GTF2B: variants seen among roughly 807,000 people sequenced by gnomAD.
GTF2B encodes general transcription factor IIB, also known as transcription initiation factor IIB.
Under a neutral mutation model 34.6 loss-of-function variants are expected in GTF2B, and 20 were observed. The ratio of observed to expected loss-of-function variants is 0.58; its 90% CI spans 0.41 to 0.84. GTF2B has a LOEUF of 0.84. Ranked by LOEUF, GTF2B falls within the 40% of genes least tolerant of loss-of-function variation. The pLI, the probability that GTF2B is intolerant of heterozygous loss-of-function variation, is 0.00. For synonymous variants in GTF2B, 142 were observed against 132.4 expected (o/e 1.07, Z -0.50); for missense variants, 237 against 393.3 (o/e 0.60, Z 3.36).
At chr1:88,872,482 A>AG (rs1673719318) in intron 2 of GTF2B, among the ~76,000 whole-genome samples, 1 of 144,186 alleles carries the variant, frequency 6.9e-6, no homozygotes, top group Non-Finnish European at 1.5e-5. Context: ...AAAAAAAAAA[A>AG]GAAAGTAACC....
At chr1:88,857,161 T>C in intron 6 of GTF2B, 45 bp downstream of exon 6, 1 of 1,535,800 alleles carries the variant, frequency 6.5e-7, no homozygotes, top group East Asian at 2.3e-5. Context: ...AATCACATGC[T>C]GCAAATTTCA....
chr1:88,864,547 C>T (rs1021352746), intron 2 of GTF2B, among the ~76,000 whole-genome samples: 7 of 152,170 alleles, frequency 4.6e-5, no homozygotes, highest in South Asian at 2.1e-4. Flanking sequence ...GGAAATGCTT[C>T]GCAGAAAATA....
At chr1:88,865,919 G>A (rs1004256953) in intron 2 of GTF2B, among the ~76,000 whole-genome samples, 2 of 151,950 alleles carry the variant, frequency 1.3e-5, no homozygotes, top group African/African-American at 4.8e-5. Context: ...CAAGTGCTCC[G>A]CTAAGTATTT....
chr1:88,860,890 C>T (rs946075290), intron 3 of GTF2B, among the ~76,000 whole-genome samples: 27 of 152,106 alleles, frequency 1.8e-4, no homozygotes, highest in African/African-American at 6.5e-4. Flanking sequence ...GACAAAGGTA[C>T]CTCCTACTGC....
Position 88,873,104 on chromosome 1 carries a change from CTT to C in GTF2B, c.125-8992_125-8991del, listed in dbSNP as rs66614827. ...CATCACTAACACCAGTACTCTCAGT[CTT>C]TATGGGCATTAGCACAGTCCCCAGC... On this transcript the variant is annotated intron_variant, in intron 2 of 6. Transcript: ENST00000370500. 7.1e-3 allele frequency among the ~76,000 whole-genome samples: 1,069 copies of C among 151,114 alleles called. 13 individuals are homozygous for C. The highest frequency in any genetic ancestry group is 0.025 in the African/African-American group (1,020 of 41,222).
intron 1 of GTF2B, among the ~76,000 whole-genome samples, chr1:88,890,003 T>C (rs1674161489): frequency 6.6e-6 from 1 of 152,156 alleles, no homozygotes; most frequent in South Asian, 2.1e-4. Context: ...TCGTGCCACC[T>C]ACACTTCAGC....
At chr1:88,882,285 G>C (rs187911303) in intron 2 of GTF2B, among the ~76,000 whole-genome samples, 24 of 141,872 alleles carry the variant, frequency 1.7e-4, no homozygotes, top group African/African-American at 5.5e-4. Flanking sequence ...ACTCCAGCCT[G>C]GGGGACAGAG....
At chr1:88,860,959 C>T (rs760890818) in intron 3 of GTF2B, among the ~76,000 whole-genome samples, 2 of 152,132 alleles carry the variant, frequency 1.3e-5, no homozygotes, top group Middle Eastern at 3.4e-3. Flanking sequence ...AGAGAAAAAC[C>T]GGAAGTACAA....
At chr1:88,890,573 A>G (rs1267460078) in intron 1 of GTF2B, among the ~76,000 whole-genome samples, 1 of 152,208 alleles carries the variant, frequency 6.6e-6, no homozygotes, top group East Asian at 1.9e-4. Context: ...CCAGGTGTGG[A>G]TAACAGGAAA....
intron 2 of GTF2B, among the ~76,000 whole-genome samples, chr1:88,871,662 A>G (rs1028045825): frequency 2.6e-5 from 4 of 152,222 alleles, no homozygotes; most frequent in Admixed American, 2.0e-4. Flanking sequence ...AGTGACAATT[A>G]ACAAAGATAA....
intron 2 of GTF2B, among the ~76,000 whole-genome samples, chr1:88,867,903 C>A (rs967360657): frequency 3.3e-5 from 5 of 152,118 alleles, no homozygotes; most frequent in African/African-American, 9.7e-5. Flanking sequence ...CTAAATGACT[C>A]GTTCAAGAAT....
chr1:88,890,196 T>C (rs568512466), intron 1 of GTF2B, among the ~76,000 whole-genome samples: 37 of 150,286 alleles, frequency 2.5e-4, no homozygotes, highest in African/African-American at 8.1e-4. Context: ...TAAGTCGTAT[T>C]TGAGTGATCT....
At chr1:88,858,251 G>T (rs1292447460) in intron 5 of GTF2B, among the ~76,000 whole-genome samples, 2 of 152,032 alleles carry the variant, frequency 1.3e-5, no homozygotes, top group East Asian at 3.9e-4. Flanking sequence ...TACCTGCCTC[G>T]GCCTCACAAA....
chr1:88,881,090 G>A (rs1416322015), intron 2 of GTF2B, among the ~76,000 whole-genome samples: 2 of 144,560 alleles, frequency 1.4e-5, no homozygotes, highest in East Asian at 2.1e-4. Context: ...TGAACAGGAT[G>A]TTAAAAACAC....
intron 2 of GTF2B, among the ~76,000 whole-genome samples, chr1:88,879,025 G>GT: frequency 6.6e-6 from 1 of 152,260 alleles, no homozygotes; most frequent in South Asian, 2.1e-4. Flanking sequence ...TAAAATGGTT[G>GT]TTGTAAGCCA....
intron 3 of GTF2B, among the ~76,000 whole-genome samples, chr1:88,860,774 C>T (rs560803255): frequency 1.8e-3 from 268 of 152,204 alleles, no homozygotes; most frequent in Non-Finnish European, 3.1e-3. Context: ...ACTCATAGGA[C>T]GCTACAAATG....
At chr1:88,879,113 AAAAT>A (rs1201325857) in intron 2 of GTF2B, among the ~76,000 whole-genome samples, 1 of 152,216 alleles carries the variant, frequency 6.6e-6, no homozygotes, top group Non-Finnish European at 1.5e-5. Flanking sequence ...TGCTTTAAGA[AAAAT>A]AAACACTTGC....
intron 5 of GTF2B, among the ~76,000 whole-genome samples, chr1:88,859,158 A>G (rs1426994480): frequency 6.6e-6 from 1 of 151,994 alleles, no homozygotes; most frequent in East Asian, 1.9e-4. Flanking sequence ...GAGACACCAT[A>G]CCTGGCCTTC....
rs539077808 is a variant in GTF2B at position 88,861,402 on chromosome 1, T to C, written c.259-1116A>G. On this transcript the variant is annotated intron_variant, in intron 3 of 6. Transcript: ENST00000370500. ...AAAACAGGCCAGGCGCAGTGGCCCA[T>C]GCCTGTAATCCTGGCACTTTAGGAG... Among the ~76,000 whole-genome samples, 47 of 152,372 alleles carry C rather than the reference T, an allele frequency of 3.1e-4. 2 individuals carry two copies. The South Asian group carries it at 7.7e-3, about 25-fold the overall frequency.
Sources: gnomAD v4.1 joint callset for allele counts (sites outside exome capture counted in the v4.1 genomes callset) on GRCh38, gnomAD v4.1.1 for gene constraint, MANE v1.5 for transcripts, NCBI Gene and HGNC (gene_info 2026-07-23, HGNC 2026-07-21) for gene names.